Variants in SOX6 observed in about 807,000 individuals in gnomAD.
The protein encoded by SOX6 is SRY-box transcription factor 6.
A neutral mutation model predicts 97.8 loss-of-function variants in SOX6; 11 were observed. The ratio of observed to expected loss-of-function variants is 0.11; its 90% confidence interval spans 0.07 to 0.19. The LOEUF (loss-of-function observed/expected upper bound fraction) is 0.19, where lower values mean the gene tolerates loss of function less well. Ranked by LOEUF, SOX6 falls within the 10% of genes least tolerant of loss-of-function variation. The pLI is 1.00. For synonymous variants in SOX6, 360 were observed against 371.4 expected (o/e 0.97, Z 0.35); for missense variants, 810 against 1,039.5 (o/e 0.78, Z 3.04).
chr11:16,511,734 G>C (rs1365955308), intron 4 of SOX6, among the ~76,000 whole-genome samples: 1 of 152,104 alleles, frequency 6.6e-6, no homozygotes, highest in Non-Finnish European at 1.5e-5. Flanking sequence ...CTTGAAATAA[G>C]ACTATTAAGC....
chr11:16,153,855 A>T (rs1403152440), intron 6 of SOX6, among the ~76,000 whole-genome samples: 2 of 152,198 alleles, frequency 1.3e-5, no homozygotes, highest in Non-Finnish European at 2.9e-5. Flanking sequence ...ATAAAAAAAA[A>T]ATCCAAATTG....
At chr11:16,379,802 G>A (rs1415984177) in intron 1 of SOX6, among the ~76,000 whole-genome samples, 1 of 151,890 alleles carries the variant, frequency 6.6e-6, no homozygotes, top group Non-Finnish European at 1.5e-5. Context: ...TGAGTTTACT[G>A]CAATATTGTT....
intron 13 of SOX6, among the ~76,000 whole-genome samples, chr11:16,001,096 C>T (rs1024752898): frequency 6.6e-6 from 1 of 151,996 alleles, no homozygotes; most frequent in African/African-American, 2.4e-5. Context: ...AACTCCTGGC[C>T]TCAAATGATC....
chr11:16,191,712 A>T (rs1010388037), intron 4 of SOX6, among the ~76,000 whole-genome samples: 5 of 152,188 alleles, frequency 3.3e-5, no homozygotes, highest in Non-Finnish European at 7.3e-5. Flanking sequence ...AAAGGGAACC[A>T]GCAAAAACAC....
At position 16,038,948 on chromosome 11, in the gene SOX6, A is replaced by G. The variant is rs76282180; in HGVS notation, c.1623+7566T>C. 8.4e-3 allele frequency among the ~76,000 whole-genome samples: 1,276 copies of G among 152,258 alleles called. 19 individuals are homozygous for G. The highest frequency in any genetic ancestry group is 0.029 in the African/African-American group (1,189 of 41,570). ...ATGTCTGAAGCTTTTGTGAGTGCCCAGAGAAGACCTATGTCTCTTCTGAGA... is the reference window on the plus strand; with the variant it reads ...ATGTCTGAAGCTTTTGTGAGTGCCCGGAGAAGACCTATGTCTCTTCTGAGA... On this transcript the variant is annotated intron_variant, in intron 12 of 15. Transcript: ENST00000683767.
At chr11:16,268,864 T>C (rs1854159305) in intron 3 of SOX6, among the ~76,000 whole-genome samples, 1 of 150,974 alleles carries the variant, frequency 6.6e-6, no homozygotes, top group African/African-American at 2.4e-5. Flanking sequence ...ACAAATATTT[T>C]CTCTCAATTT....
chr11:16,193,452 T>C (rs1215835607), intron 4 of SOX6, among the ~76,000 whole-genome samples: 2 of 152,148 alleles, frequency 1.3e-5, no homozygotes, highest in African/African-American at 2.4e-5. Context: ...CTAATGGCAT[T>C]CTCTAGAAAC....
In SOX6 at chr11:16,613,961, G is replaced by A. The variant is rs575644391; in HGVS notation, n.430-1701C>T. 6.6e-6 allele frequency among the ~76,000 whole-genome samples: 1 copy of A among 152,292 alleles called. No homozygotes were observed. Among genetic ancestry groups the A allele is most frequent in the African/African-American group, 2.4e-5 (1 of 41,582 alleles). The stretch of plus-strand genomic sequence containing the variant: ...AAGGGAGGGCGCCCTGCGGGCGGGC[G>A]GGCCACGCTAGGCGCCGTCTGCCCT... On this transcript the variant is annotated intron_variant and non_coding_transcript_variant, in intron 3 of 5. Transcript: ENST00000524520. This position sits in a 1 kb window ranked among gnomAD's most constrained non-coding sequence, Gnocchi z 4.6.
intron 6 of SOX6, among the ~76,000 whole-genome samples, chr11:16,132,269 AGG>A (rs1353319533): frequency 3.1e-3 from 18 of 5,722 alleles, no homozygotes; most frequent in South Asian, 0.011. Context: ...GAAAGAAAGA[AGG>A]AAGGAAGGAA....
intron 3 of SOX6, among the ~76,000 whole-genome samples, chr11:16,248,640 G>A (rs1853412417): frequency 6.6e-6 from 1 of 152,242 alleles, no homozygotes; most frequent in Non-Finnish European, 1.5e-5. Context: ...GAAGCATCTG[G>A]AATGCAAGGC....
At chr11:16,080,546 A>T (rs7118842) in intron 9 of SOX6, among the ~76,000 whole-genome samples, 7,624 of 150,582 alleles carry the variant, frequency 0.051, 623 homozygotes, top group African/African-American at 0.18. Context: ...GTTATTCTTA[A>T]AGGTACATTC....
At chr11:16,181,748 A>G (rs1372230452) in intron 6 of SOX6, among the ~76,000 whole-genome samples, 1 of 151,740 alleles carries the variant, frequency 6.6e-6, no homozygotes, top group Non-Finnish European at 1.5e-5. Flanking sequence ...GACAGAATGA[A>G]CTATAAATAC....
At chr11:16,393,752 C>T (rs1419259885) in intron 1 of SOX6, among the ~76,000 whole-genome samples, 1 of 152,006 alleles carries the variant, frequency 6.6e-6, no homozygotes, top group Non-Finnish European at 1.5e-5. Flanking sequence ...TAATTACATG[C>T]CTTTAACCAT....
chr11:16,554,322 A>C (rs952101755), intron 4 of SOX6, among the ~76,000 whole-genome samples: 1 of 152,130 alleles, frequency 6.6e-6, no homozygotes, highest in African/African-American at 2.4e-5. Context: ...CATCAGCCAA[A>C]ACAATCACAA....
intron 3 of SOX6, chr11:16,314,184 A>G (rs1226857046): frequency 6.6e-6 from 1 of 151,972 alleles, no homozygotes; most frequent in Non-Finnish European, 1.5e-5. Context: ...TCTGAACACA[A>G]CCTACTTTTT....
At chr11:16,648,855 A>G (rs1214705292) in intron 3 of SOX6, among the ~76,000 whole-genome samples, 1 of 152,200 alleles carries the variant, frequency 6.6e-6, no homozygotes, top group Admixed American at 6.5e-5. Flanking sequence ...ACAAACTTAA[A>G]AATTATATTT....
At chr11:16,479,193 T>C (rs758297881), upstream of SOX6, among the ~76,000 whole-genome samples, 1 of 152,204 alleles carries the variant, frequency 6.6e-6, no homozygotes, top group Non-Finnish European at 1.5e-5. Context: ...ATATTCTTAA[T>C]GTACTAAATA....
intron 1 of SOX6, among the ~76,000 whole-genome samples, chr11:16,382,047 T>C (rs920439043): frequency 1.3e-5 from 2 of 152,042 alleles, no homozygotes; most frequent in Non-Finnish European, 1.5e-5. Context: ...GGCCATTTCT[T>C]ACGTTTAATC....
At chr11:16,428,378 GT>G (rs1410367523) in intron 1 of SOX6, among the ~76,000 whole-genome samples, 1 of 152,194 alleles carries the variant, frequency 6.6e-6, no homozygotes, top group East Asian at 1.9e-4. Flanking sequence ...TGCTTTTGGT[GT>G]TTTAGACACG....
Sources: allele counts gnomAD v4.1 joint callset (sites outside exome capture counted in the v4.1 genomes callset), GRCh38; gene constraint gnomAD v4.1.1; non-coding constraint Gnocchi (gnomAD v3.1); transcripts MANE v1.5; gene names NCBI Gene and HGNC (gene_info 2026-07-23, HGNC 2026-07-21).